TMEM41B: variants seen among roughly 807,000 people sequenced by gnomAD.
TMEM41B encodes the protein protein stasimon.
TMEM41B carries 18 observed loss-of-function variants against 31.9 expected under a neutral mutation model. The observed-to-expected ratio is 0.56, with a 90% CI of 0.39 to 0.84. TMEM41B has a LOEUF of 0.84. Among genes scored for constraint, TMEM41B ranks in the 40% least tolerant of loss-of-function variants. The pLI is 0.00. For missense variants in TMEM41B, 322 were observed against 348.0 expected, an observed-to-expected ratio of 0.93 and a Z score of 0.59; for synonymous variants, 144 against 124.3, an observed-to-expected ratio of 1.16 and a Z score of -1.05.
chr11:9,314,545 TCCGGCGCGACCTC>T lies in TMEM41B; in HGVS notation c.-117_-105del, dbSNP rs1331141805. ...CCGAAGCGCCACGGCTAGAGCCACT[TCCGGCGCGACCTC>T]CTCACCCGAGACGACCTCAGCCCAG... On this transcript the variant is annotated 5_prime_UTR_variant, in exon 1 of 7. Transcript: ENST00000528080. The T allele has an allele frequency of 6.3e-6, 9 of 1,429,906 alleles. No individual in the cohort carries two copies. Among genetic ancestry groups the T allele is most frequent in the Non-Finnish European group, 8.3e-6 (9 of 1,088,368 alleles). The allele number at this position is 1,429,906 out of a possible 1,614,324, so 88.6% of individuals were successfully genotyped here.
At chr11:9,289,527 T>G (rs1590373558) in intron 3 of TMEM41B, among the ~76,000 whole-genome samples, 1 of 152,252 alleles carries the variant, frequency 6.6e-6, no homozygotes, top group South Asian at 2.1e-4. Context: ...TTTTTCACCT[T>G]CAACTCTGTT....
chr11:9,293,697 T>A (rs577742527), intron 3 of TMEM41B, among the ~76,000 whole-genome samples: 1 of 152,276 alleles, frequency 6.6e-6, no homozygotes, highest in African/African-American at 2.4e-5. Context: ...TCCTCCTGCC[T>A]CAGCCTCCTG....
At chr11:9,307,814 C>T (rs1490388593) in intron 1 of TMEM41B, among the ~76,000 whole-genome samples, 3 of 149,530 alleles carry the variant, frequency 2.0e-5, no homozygotes, top group African/African-American at 7.4e-5. Flanking sequence ...GGCGCAATCT[C>T]GGCTCGCTGC....
In TMEM41B at chr11:9,303,959, C is replaced by T. The variant is rs1242663170; in HGVS notation, c.122-4258G>A. Among the ~76,000 whole-genome samples, 4 of 152,250 alleles carry T rather than the reference C, an allele frequency of 2.6e-5. 1 individual carries two copies. The highest frequency in any genetic ancestry group is 4.2e-4 in the South Asian group (2 of 4,814). ...TTAGGATTACAGGCGTGAGCCACCA[C>T]GCCCGGCCTCCAATCAGTCCCTGTT... On this transcript the variant is annotated intron_variant, in intron 1 of 6. Transcript: ENST00000528080.
chr11:9,313,284 G>C (rs1017857360), intron 1 of TMEM41B, among the ~76,000 whole-genome samples: 36 of 71,018 alleles, frequency 5.1e-4, no homozygotes, highest in African/African-American at 1.8e-3. Context: ...AAGGCTGACA[G>C]AGCCAAATTA....
At position 9,282,502 on chromosome 11, in the gene TMEM41B, A is replaced by G. The variant is rs1265624082; in HGVS notation, c.*922T>C. The G allele has an allele frequency of 6.6e-6, 1 of 152,182 alleles. No individual in the cohort carries two copies. Among genetic ancestry groups the G allele is most frequent in the Non-Finnish European group, 1.5e-5 (1 of 68,030 alleles). 9.4% of individuals were successfully genotyped at this position (152,182 alleles called of 1,614,324 possible). A position where few individuals can be genotyped will look rare whatever the true frequency, so the allele number is the denominator to read the frequency against. On this transcript the variant is annotated 3_prime_UTR_variant, in exon 7 of 7. Transcript: ENST00000528080. ...AGAAAACCGACTGGCCAGAACTTTA[A>G]ATTTCAGACTAATCCATGATAAAAA...
intron 1 of TMEM41B, among the ~76,000 whole-genome samples, chr11:9,312,654 C>T (rs1002546679): frequency 6.6e-6 from 1 of 152,180 alleles, no homozygotes; most frequent in Non-Finnish European, 1.5e-5. Flanking sequence ...GCCTGTAATC[C>T]CAGCACTTTG....
intron 4 of TMEM41B, 71 bp from the exon 5 acceptor site, chr11:9,287,877 T>A: frequency 1.8e-6 from 2 of 1,106,580 alleles, no homozygotes; most frequent in African/African-American, 1.6e-5. Flanking sequence ...TTCACCTGAG[T>A]AAAAAGCTCA....
intron 1 of TMEM41B, chr11:9,311,367 T>C: frequency 6.7e-7 from 1 of 1,490,148 alleles, no homozygotes. Flanking sequence ...CTTCTGTATC[T>C]TCTTGCCCAC....
At chr11:9,287,614 A>C (rs1305903671) in intron 5 of TMEM41B, 88 bp downstream of exon 5, 1 of 803,352 alleles carries the variant, frequency 1.2e-6, no homozygotes, top group Non-Finnish European at 2.0e-6. Flanking sequence ...TGTTGGGTTA[A>C]TACATGTAGT....
intron 1 of TMEM41B, among the ~76,000 whole-genome samples, chr11:9,301,699 T>G (rs865949279): frequency 1.3e-5 from 2 of 152,160 alleles, no homozygotes; most frequent in Non-Finnish European, 2.9e-5. Context: ...CTCACCCAAG[T>G]AGTAACAAAT....
At chr11:9,310,980 A>C (rs1258322743) in intron 1 of TMEM41B, among the ~76,000 whole-genome samples, 2 of 152,200 alleles carry the variant, frequency 1.3e-5, no homozygotes, top group African/African-American at 4.8e-5. Context: ...AGAAGTAAAA[A>C]ATCACATTTT....
chr11:9,308,557 T>C (rs903718420), intron 1 of TMEM41B, among the ~76,000 whole-genome samples: 4 of 152,312 alleles, frequency 2.6e-5, no homozygotes, highest in African/African-American at 9.6e-5. Flanking sequence ...TCTTTCCTTA[T>C]AGCCACCTAA....
chr11:9,297,624 G>T (rs1158357064), intron 2 of TMEM41B, among the ~76,000 whole-genome samples: 1 of 152,070 alleles, frequency 6.6e-6, no homozygotes, highest in African/African-American at 2.4e-5. Context: ...CTGGGAGGTG[G>T]GGGCTGCAGT....
chr11:9,311,353 T>C (rs1853556120), intron 1 of TMEM41B: 1 of 1,501,526 alleles, frequency 6.7e-7, no homozygotes, highest in African/African-American at 1.4e-5. Flanking sequence ...GCTTTCTTCA[T>C]TTTCTTCTGT....
chr11:9,298,961 A>G (rs1244693697), intron 2 of TMEM41B, among the ~76,000 whole-genome samples: 1 of 151,894 alleles, frequency 6.6e-6, no homozygotes, highest in Non-Finnish European at 1.5e-5. Flanking sequence ...AGGGTTTAAT[A>G]GCTCTGGGAT....
chr11:9,299,731 T>C, intron 1 of TMEM41B, 30 bp from the exon 2 acceptor site: 1 of 1,453,834 alleles, frequency 6.9e-7, no homozygotes, highest in Non-Finnish European at 9.5e-7. Flanking sequence ...ATAATTAAGA[T>C]AAATATAAAG....
intron 1 of TMEM41B, among the ~76,000 whole-genome samples, chr11:9,306,680 C>T (rs960519384): frequency 2.0e-5 from 3 of 147,714 alleles, no homozygotes; most frequent in African/African-American, 7.4e-5. Context: ...AGCGAGACTC[C>T]GTCTCAAAAA....
rs1288402142 is a variant in TMEM41B at position 9,283,289 on chromosome 11, T to A, written c.*135A>T. The A allele has an allele frequency of 8.5e-6, 6 of 706,074 alleles. No individual in the cohort carries two copies. In the African/African-American group the frequency reaches 1.1e-4, roughly 13 times the overall value. The allele number at this position is 706,074 out of a possible 1,614,324, so 43.7% of individuals were successfully genotyped here. On this transcript the variant is annotated 3_prime_UTR_variant, in exon 7 of 7. Transcript: ENST00000528080. ...CCCTTGTCACTTAAATGTATTACTT[T>A]AACTATCTGATAGGAAATTTTATTT...
Sources: allele counts gnomAD v4.1 joint callset (sites outside exome capture counted in the v4.1 genomes callset), GRCh38; gene constraint gnomAD v4.1.1; transcripts MANE v1.5; gene names NCBI Gene and HGNC (gene_info 2026-07-23, HGNC 2026-07-21).